Variants in CAP1 observed in about 807,000 individuals in gnomAD.
The protein encoded by CAP1 is cyclase associated actin cytoskeleton regulatory protein 1, also known as adenylyl cyclase-associated protein 1.
In CAP1, 11 loss-of-function variants were observed where a neutral mutation model predicts 58.2. That is an observed-to-expected ratio of 0.19 (90% CI 0.12 to 0.31). CAP1 has a LOEUF of 0.31. Among genes scored for constraint, CAP1 ranks in the 10% least tolerant of loss-of-function variants. The pLI is 1.00. For synonymous variants in CAP1, 183 were observed against 213.8 expected (o/e 0.86, Z 1.26); for missense variants, 423 against 587.5 (o/e 0.72, Z 2.89).
Position 40,072,401 on chromosome 1 carries a change from A to G in CAP1, c.*868A>G. ...ATGGCTTCTGTCTAAGCACCTGAAC[A>G]GAGGACTGAAACCTCCACTGCAGGC... On this transcript the variant is annotated 3_prime_UTR_variant, in exon 13 of 13. Coordinates refer to ENST00000372805, the MANE Select transcript of CAP1 (RefSeq NM_006367.4). 1 of 250,616 alleles carries G rather than the reference A, an allele frequency of 4.0e-6. No homozygotes were observed. The highest frequency in any genetic ancestry group is 7.5e-6 in the Non-Finnish European group (1 of 133,018). 15.5% of individuals were successfully genotyped at this position (250,616 alleles called of 1,614,324 possible).
At chr1:40,062,038 C>T (rs1056649640) in intron 4 of CAP1, among the ~76,000 whole-genome samples, 1 of 152,118 alleles carries the variant, frequency 6.6e-6, no homozygotes, top group Non-Finnish European at 1.5e-5. Context: ...TTGCATAGGA[C>T]TGTGGTTATC....
chr1:40,059,314 T>A, intron 1 of CAP1, 23 bp from the exon 2 acceptor site: 1 of 1,315,020 alleles, frequency 7.6e-7, no homozygotes, highest in Non-Finnish European at 1.1e-6. Flanking sequence ...AAATAACAAA[T>A]GACATTTGAT....
chr1:40,053,534 T>C (rs1422032298), intron 1 of CAP1, among the ~76,000 whole-genome samples: 1 of 152,112 alleles, frequency 6.6e-6, no homozygotes, highest in Non-Finnish European at 1.5e-5. Context: ...CACTGCAATC[T>C]CCGCCTCCCA....
intron 1 of CAP1, among the ~76,000 whole-genome samples, chr1:40,056,795 G>C (rs1423791250): frequency 2.6e-5 from 4 of 152,022 alleles, no homozygotes; most frequent in African/African-American, 9.7e-5. Context: ...AAGAAAAGGT[G>C]TGTCTTTCAC....
intron 8 of CAP1, 127 bp from the exon 9 acceptor site, chr1:40,069,563 T>A: frequency 1.3e-6 from 1 of 754,806 alleles, no homozygotes; most frequent in South Asian, 1.8e-5. Flanking sequence ...CCAAAACTGC[T>A]TGCAAGAGAA....
intron 3 of CAP1, among the ~76,000 whole-genome samples, chr1:40,060,438 G>C (rs1324837809): frequency 1.3e-5 from 2 of 152,132 alleles, no homozygotes; most frequent in Non-Finnish European, 2.9e-5. Flanking sequence ...CATCTTTGTA[G>C]TGAAGAATAT....
Position 40,070,953 on chromosome 1 carries a change from C to T in CAP1, c.1318C>T (p.Leu440Phe), listed in dbSNP as rs1344499643. ...VSAKSSEMNV[L>F]IPTEGGDFNE... ...TGCCAAATCTTCCGAGATGAATGTCCTCATTCCTACAGAAGGCGGTGACTT... is the reference window on the plus strand; with the variant it reads ...TGCCAAATCTTCCGAGATGAATGTCTTCATTCCTACAGAAGGCGGTGACTT... Residue 440 changes from leucine (L) to phenylalanine (F), a missense_variant, in exon 12 of 13, where the codon CTC becomes TTC. Leu to Phe is a conservative substitution (Grantham distance 22). Transcript: ENST00000372805. The T allele has an allele frequency of 2.5e-6, 4 of 1,613,370 alleles. No individual in the cohort carries two copies. The highest frequency in any genetic ancestry group is 1.7e-4 in the Middle Eastern group (1 of 6,056).
At chr1:40,042,241 C>T (rs1272530118) in intron 1 of CAP1, among the ~76,000 whole-genome samples, 1 of 152,054 alleles carries the variant, frequency 6.6e-6, no homozygotes, top group African/African-American at 2.4e-5. Flanking sequence ...GCCTTTGTGG[C>T]AAAGAATACA....
intron 1 of CAP1, among the ~76,000 whole-genome samples, chr1:40,046,853 A>G (rs763324041): frequency 1.4e-4 from 21 of 151,290 alleles, no homozygotes; most frequent in Non-Finnish European, 2.5e-4. Context: ...GCTCACTGCA[A>G]CCCCCGCCTC....
At chr1:40,071,023 G>C in intron 12 of CAP1, 44 bp downstream of exon 12, 1 of 1,545,992 alleles carries the variant, frequency 6.5e-7, no homozygotes, top group East Asian at 2.3e-5. Flanking sequence ...AAACAGAAGG[G>C]ACTGAAGATT....
chr1:40,068,401 C>G (rs3122422), intron 8 of CAP1, among the ~76,000 whole-genome samples: 105,471 of 151,742 alleles, frequency 0.7, 36,905 homozygotes, highest in Non-Finnish European at 0.74. Flanking sequence ...CTCCCGAGTA[C>G]CTGGGATTAC....
intron 1 of CAP1, among the ~76,000 whole-genome samples, chr1:40,050,319 A>T (rs1466724061): frequency 1.6e-5 from 1 of 63,172 alleles, no homozygotes; most frequent in Non-Finnish European, 3.3e-5. Flanking sequence ...TTAATTGCCT[A>T]AAGATGATTA....
At chr1:40,043,541 G>A (rs925844662) in intron 1 of CAP1, among the ~76,000 whole-genome samples, 1 of 152,114 alleles carries the variant, frequency 6.6e-6, no homozygotes, top group Non-Finnish European at 1.5e-5. Flanking sequence ...ATTTGATTTT[G>A]TGGGTGGCAG....
At chr1:40,069,903 G>A in intron 9 of CAP1, 29 bp downstream of exon 9, 1 of 1,516,140 alleles carries the variant, frequency 6.6e-7, no homozygotes, top group South Asian at 1.3e-5. Flanking sequence ...GACAGGGGCA[G>A]GTATTTTTAT....
upstream of CAP1, chr1:40,040,672 C>A (rs368420096): frequency 6.5e-6 from 1 of 152,714 alleles, no homozygotes; most frequent in East Asian, 1.9e-4. Context: ...CTTCAGCCGG[C>A]GGCTCATTTC....
At chr1:40,061,230 A>C (rs776424319) in intron 3 of CAP1, among the ~76,000 whole-genome samples, 24 of 152,008 alleles carry the variant, frequency 1.6e-4, no homozygotes, top group Non-Finnish European at 8.8e-5. Flanking sequence ...TGTTCCATTA[A>C]GCTCACTAAA....
chr1:40,046,011 A>G (rs1570339344), intron 1 of CAP1, among the ~76,000 whole-genome samples: 1 of 152,318 alleles, frequency 6.6e-6, no homozygotes, highest in South Asian at 2.1e-4. Flanking sequence ...GAGAAGTGCC[A>G]TTGGTTTGAG....
chr1:40,058,251 G>C (rs1029675351), intron 1 of CAP1, among the ~76,000 whole-genome samples: 2 of 152,076 alleles, frequency 1.3e-5, no homozygotes, highest in Non-Finnish European at 2.9e-5. Flanking sequence ...TCATTTGAAG[G>C]CTGGCTCAAA....
At chr1:40,044,946 GC>G (rs1264862688) in intron 1 of CAP1, among the ~76,000 whole-genome samples, 1 of 151,234 alleles carries the variant, frequency 6.6e-6, no homozygotes, top group Non-Finnish European at 1.5e-5. Flanking sequence ...ACAGGCGCCC[GC>G]CACCAGGCCC....
Sources: gnomAD v4.1 joint callset for allele counts (sites outside exome capture counted in the v4.1 genomes callset) on GRCh38, gnomAD v4.1.1 for gene constraint, MANE v1.5 for transcripts, NCBI Gene and HGNC (gene_info 2026-07-23, HGNC 2026-07-21) for gene names.